MDGA2: variants seen among roughly 807,000 people sequenced by gnomAD.
The protein encoded by MDGA2 is MAM domain-containing glycosylphosphatidylinositol anchor protein 2.
Under a neutral mutation model 117.8 loss-of-function variants are expected in MDGA2, and 40 were observed. That is an observed-to-expected ratio of 0.34 (90% CI 0.26 to 0.44). MDGA2 has a LOEUF of 0.44. Among genes scored for constraint, MDGA2 ranks in the 20% least tolerant of loss-of-function variants. MDGA2 has a pLI of 1.00. For missense variants in MDGA2, 1,123 were observed against 1,250.6 expected (o/e 0.90, Z 1.54); for synonymous variants, 452 against 439.0 (o/e 1.03, Z -0.37).
chr14:46,994,397 G>T (rs990539916), intron 8 of MDGA2, among the ~76,000 whole-genome samples: 13 of 152,226 alleles, frequency 8.5e-5, no homozygotes, highest in African/African-American at 2.9e-4. Context: ...TGCAATTGGT[G>T]TCAGGAGTGA....
intron 2 of MDGA2, among the ~76,000 whole-genome samples, chr14:47,294,555 CG>C (rs1024757459): frequency 4.2e-4 from 63 of 151,078 alleles, no homozygotes; most frequent in African/African-American, 1.2e-3. Flanking sequence ...TTATCACAGA[CG>C]AAAAAAAGCA....
intron 7 of MDGA2, among the ~76,000 whole-genome samples, chr14:47,057,589 G>T (rs1359515172): frequency 4.6e-5 from 4 of 86,278 alleles, no homozygotes; most frequent in African/African-American, 1.4e-4. Flanking sequence ...AACACATGAG[G>T]CCTCTCTTTT....
intron 10 of MDGA2, among the ~76,000 whole-genome samples, chr14:46,913,066 A>C (rs2138487728): frequency 6.6e-6 from 1 of 152,240 alleles, no homozygotes; most frequent in South Asian, 2.1e-4. Flanking sequence ...CACTAAAGAA[A>C]TTGAAGTGAA....
chr14:47,271,391 T>C (rs1158401025), intron 2 of MDGA2, among the ~76,000 whole-genome samples: 1 of 152,224 alleles, frequency 6.6e-6, no homozygotes, highest in Non-Finnish European at 1.5e-5. Context: ...CATGTGTTTT[T>C]TCTTTTTGAA....
At position 46,940,583 on chromosome 14, in the gene MDGA2, A is replaced by G. The variant is rs372847119; in HGVS notation, c.2089+16791T>C. On this transcript the variant is annotated intron_variant, in intron 9 of 16. Transcript: ENST00000399232. Reference sequence around the variant, plus strand: ...GTGGAGGCTGCAGTGAGCTAAGATCATGCCATTGCACTACAGCCTGGGTGA... The same window carrying G: ...GTGGAGGCTGCAGTGAGCTAAGATCGTGCCATTGCACTACAGCCTGGGTGA... Among the ~76,000 whole-genome samples, 35 of 151,074 alleles carry G rather than the reference A, an allele frequency of 2.3e-4. No individual in the cohort carries two copies. The East Asian group carries it at 3.1e-3, about 13-fold the overall frequency.
intron 3 of MDGA2, chr14:47,200,634 C>T (rs1885467402): frequency 2.4e-6 from 3 of 1,270,776 alleles, no homozygotes; most frequent in East Asian, 2.4e-5. Flanking sequence ...TTCTTCTCCA[C>T]GTTCTTCTCG....
intron 1 of MDGA2, among the ~76,000 whole-genome samples, chr14:47,426,859 G>A (rs1892702676): frequency 6.6e-6 from 1 of 151,366 alleles, no homozygotes; most frequent in East Asian, 1.9e-4. Flanking sequence ...GAGGAGGCAG[G>A]ACATTTATAA....
chr14:47,177,416 G>T (rs1884511482), intron 3 of MDGA2, among the ~76,000 whole-genome samples: 1 of 152,222 alleles, frequency 6.6e-6, no homozygotes, highest in East Asian at 1.9e-4. Context: ...GTCCAACAAT[G>T]ATAGACTGGA....
chr14:47,019,311 A>G (rs760942195), intron 8 of MDGA2, among the ~76,000 whole-genome samples: 9 of 152,176 alleles, frequency 5.9e-5, no homozygotes, highest in Non-Finnish European at 1.3e-4. Context: ...AGTACACAAA[A>G]CAATAATAAT....
Position 47,160,165 on chromosome 14 carries a change from CAT to C in MDGA2, c.596-15893_596-15892del, listed in dbSNP as rs1368665173. ...AAATTTATCATGTATTAAAGTTTCA[CAT>C]GTTAGGATCTACTTCTGGCTTACCT... On this transcript the variant is annotated intron_variant, in intron 3 of 16. Transcript: ENST00000399232. Among the ~76,000 whole-genome samples the C allele has an allele frequency of 3.9e-5, 6 of 152,150 alleles. 1 individual carries two copies. The highest frequency in any genetic ancestry group is 1.4e-4 in the African/African-American group (6 of 41,430).
chr14:47,174,774 C>A (rs945520543), intron 3 of MDGA2, among the ~76,000 whole-genome samples: 2 of 151,920 alleles, frequency 1.3e-5, no homozygotes, highest in African/African-American at 4.8e-5. Flanking sequence ...CAAAAGCTAG[C>A]AGAAGGCAAG....
At position 46,877,490 on chromosome 14, in the gene MDGA2, C is replaced by G; in HGVS notation, c.2436G>C (p.Leu812Phe). 1 of 1,488,984 alleles carries G rather than the reference C, an allele frequency of 6.7e-7. No homozygotes were observed. The highest frequency in any genetic ancestry group is 9.2e-7 in the Non-Finnish European group (1 of 1,087,702). 92.2% of individuals were successfully genotyped at this position (1,488,984 alleles called of 1,614,324 possible). A position where few individuals can be genotyped will look rare whatever the true frequency, so the allele number is the denominator to read the frequency against. ...IKYSAPVNPHLREFHCGFEDG... is the reference protein window; with the variant it reads ...IKYSAPVNPHFREFHCGFEDG... The stretch of plus-strand genomic sequence containing the variant: ...TTTTGTAAGTTAAAATATACTTACT[C>G]AAATGAGGATTTACAGGAGCTACAA... Residue 812 changes from leucine (L) to phenylalanine (F), a missense_variant and splice_region_variant, in exon 12 of 17, where the codon TTG becomes TTC. Around this residue, in one of 2 missense-constraint regions of MDGA2, gnomAD observed 890 missense variants for 1,050.3 expected, o/e 0.85. Coordinates refer to ENST00000399232, the MANE Select transcript of MDGA2 (RefSeq NM_001113498.3).
intron 2 of MDGA2, 107 bp downstream of exon 2, chr14:47,301,304 C>T: frequency 8.3e-7 from 1 of 1,203,454 alleles, no homozygotes; most frequent in South Asian, 1.5e-5. Flanking sequence ...CCCACACACA[C>T]ACACACACAC....
chr14:47,172,601 AG>A (rs1884209668), intron 3 of MDGA2, among the ~76,000 whole-genome samples: 3 of 152,206 alleles, frequency 2.0e-5, no homozygotes, highest in African/African-American at 4.8e-5. Flanking sequence ...GTCTGTTAGA[AG>A]GAAAACTAAC....
At chr14:47,113,022 T>C (rs765716578) in intron 5 of MDGA2, among the ~76,000 whole-genome samples, 3 of 152,184 alleles carry the variant, frequency 2.0e-5, no homozygotes, top group Non-Finnish European at 2.9e-5. Flanking sequence ...CATATGCTTG[T>C]TGCCTGCTTA....
At chr14:47,397,977 A>T (rs1471986799) in intron 1 of MDGA2, among the ~76,000 whole-genome samples, 1 of 152,186 alleles carries the variant, frequency 6.6e-6, no homozygotes, top group Non-Finnish European at 1.5e-5. Context: ...CTGTCTTAAG[A>T]ACTTTCATAT....
At chr14:47,009,707 A>G (rs565530180) in intron 8 of MDGA2, among the ~76,000 whole-genome samples, 22 of 152,152 alleles carry the variant, frequency 1.4e-4, no homozygotes, top group African/African-American at 4.6e-4. Context: ...AATTGGACAT[A>G]CTTACTGAAT....
intron 10 of MDGA2, among the ~76,000 whole-genome samples, chr14:46,900,436 A>G (rs929269666): frequency 1.3e-5 from 2 of 152,160 alleles, no homozygotes; most frequent in African/African-American, 4.8e-5. Context: ...TACTGCTAAT[A>G]GCTAAAAACT....
At chr14:47,422,902 T>C (rs1892608103) in intron 1 of MDGA2, among the ~76,000 whole-genome samples, 1 of 152,156 alleles carries the variant, frequency 6.6e-6, no homozygotes, top group African/African-American at 2.4e-5. Flanking sequence ...AGATGGATTT[T>C]AAATAGATAG....
Sources: allele counts gnomAD v4.1 joint callset (sites outside exome capture counted in the v4.1 genomes callset), GRCh38; gene constraint gnomAD v4.1.1; regional missense constraint gnomAD v4.1.1; transcripts MANE v1.5; gene names NCBI Gene and HGNC (gene_info 2026-07-23, HGNC 2026-07-21).